Variants in FBN1 observed in about 807,000 individuals in gnomAD.
FBN1 encodes the protein fibrillin 1.
Under a neutral mutation model 365.1 loss-of-function variants are expected in FBN1, and 29 were observed. The observed-to-expected ratio is 0.08, with a 90% CI of 0.06 to 0.11. The LOEUF (loss-of-function observed/expected upper bound fraction) is 0.11, where lower values mean the gene tolerates loss of function less well. Among genes scored for constraint, FBN1 ranks in the 10% least tolerant of loss-of-function variants. FBN1 has a pLI of 1.00. For missense variants in FBN1, 2,476 were observed against 3,703.2 expected, an observed-to-expected ratio of 0.67 and a Z score of 8.60; for synonymous variants, 1,210 against 1,270.5, an observed-to-expected ratio of 0.95 and a Z score of 1.01.
intron 14 of FBN1, 137 bp downstream of exon 14, chr15:48,509,907 T>C: frequency 1.1e-6 from 1 of 906,260 alleles, no homozygotes; most frequent in South Asian, 1.6e-5. Flanking sequence ...CATGGAAAAT[T>C]AGGCTTCCTT....
intron 6 of FBN1, among the ~76,000 whole-genome samples, chr15:48,538,670 T>C (rs1224034875): frequency 6.6e-6 from 1 of 152,026 alleles, no homozygotes; most frequent in African/African-American, 2.4e-5. Context: ...ACCCAGGTTG[T>C]CCCCTTGTGA....
At chr15:48,610,649 A>G (rs2044649136) in intron 4 of FBN1, 79 bp downstream of exon 4, 1 of 1,105,042 alleles carries the variant, frequency 9.0e-7, no homozygotes, top group Non-Finnish European at 1.3e-6. Context: ...AGGAAAGAGG[A>G]AAGCCAAAAT....
At position 48,644,435 on chromosome 15, in the gene FBN1, G is replaced by C. The variant is rs999595484; in HGVS notation, c.164+171C>G. Reference sequence around the variant, plus strand: ...TGGGGCAGAAATCTCTGGGAGTAGGGGCAAGGTAGTTTAACCACGAACGGG... The same window carrying C: ...TGGGGCAGAAATCTCTGGGAGTAGGCGCAAGGTAGTTTAACCACGAACGGG... On this transcript the variant is annotated intron_variant, in intron 2 of 65. Transcript: ENST00000316623. 27 of 843,318 alleles carry C rather than the reference G, an allele frequency of 3.2e-5. No individual in the cohort carries two copies. In the African/African-American group the frequency reaches 3.7e-4, roughly 12 times the overall value. 52.2% of individuals were successfully genotyped at this position (843,318 alleles called of 1,614,324 possible).
In FBN1 at chr15:48,487,892, A is replaced by C. The variant is rs7176364; in HGVS notation, c.3337+221T>G. 0.2 allele frequency among the ~76,000 whole-genome samples: 30,480 copies of C among 151,892 alleles called. 3,406 individuals carry two copies. Among genetic ancestry groups the C allele is most frequent in the East Asian group, 0.36 (1,831 of 5,148 alleles). On this transcript the variant is annotated intron_variant, in intron 27 of 65. Transcript: ENST00000316623. The stretch of plus-strand genomic sequence containing the variant: ...CTGGGTATCCATTTCAGGTGTTAAA[A>C]TCACTTCTCAAGGGCCCACAACTGG...
Position 48,496,073 on chromosome 15 carries a change from C to T in FBN1, c.2419+27G>A, listed in dbSNP as rs374401683. On this transcript the variant is annotated intron_variant, in intron 20 of 65. Transcript: ENST00000316623. The stretch of plus-strand genomic sequence containing the variant: ...GCATTCCAAAAGATAGCAAAGTACA[C>T]AGTATAAGAACAAAAATATGGTTTA... The T allele has an allele frequency of 5.6e-6, 9 of 1,613,126 alleles. No individual in the cohort carries two copies. The African/African-American group carries it at 1.2e-4, about 22-fold the overall frequency.
At chr15:48,424,521 T>C (rs1333951503) in intron 60 of FBN1, among the ~76,000 whole-genome samples, 2 of 152,224 alleles carry the variant, frequency 1.3e-5, no homozygotes, top group African/African-American at 4.8e-5. Context: ...ACCAAGTAAG[T>C]GGAAGAACTT....
intron 45 of FBN1, among the ~76,000 whole-genome samples, chr15:48,451,807 GTT>G (rs1318450908): frequency 6.6e-6 from 1 of 152,084 alleles, no homozygotes; most frequent in African/African-American, 2.4e-5. Context: ...ATATTATTTT[GTT>G]TCTGGGCTGA....
intron 6 of FBN1, among the ~76,000 whole-genome samples, chr15:48,586,069 AC>A (rs1456510054): frequency 6.6e-6 from 1 of 152,198 alleles, no homozygotes; most frequent in East Asian, 1.9e-4. Flanking sequence ...CTCATTCTTT[AC>A]CTCTTAGTAA....
chr15:48,500,627 G>A (rs533402533), intron 17 of FBN1, among the ~76,000 whole-genome samples: 3 of 152,310 alleles, frequency 2.0e-5, no homozygotes, highest in Admixed American at 6.5e-5. Context: ...AGGTGTTGAT[G>A]AGCTAACTCC....
intron 2 of FBN1, among the ~76,000 whole-genome samples, chr15:48,637,959 C>G (rs144370089): frequency 4.1e-4 from 63 of 152,224 alleles, no homozygotes; most frequent in African/African-American, 1.4e-3. Flanking sequence ...AGTAAATAAA[C>G]AGGCATGGAT....
chr15:48,581,552 A>G (rs1011749475), intron 6 of FBN1, among the ~76,000 whole-genome samples: 2 of 152,192 alleles, frequency 1.3e-5, no homozygotes, highest in African/African-American at 4.8e-5. Context: ...TTTTCACCAC[A>G]TAATATCCAC....
At chr15:48,489,651 G>C (rs1376914888) in intron 25 of FBN1, among the ~76,000 whole-genome samples, 200 bp downstream of exon 25, 1 of 151,934 alleles carries the variant, frequency 6.6e-6, no homozygotes, top group Non-Finnish European at 1.5e-5. Context: ...TCTCCATACA[G>C]AACAATTTTA....
At chr15:48,512,905 A>C (rs560034276) in intron 13 of FBN1, among the ~76,000 whole-genome samples, 1 of 152,324 alleles carries the variant, frequency 6.6e-6, no homozygotes, top group East Asian at 1.9e-4. Context: ...AACTCAGTAC[A>C]TAAGAGTCAT....
intron 53 of FBN1, 144 bp from the exon 54 acceptor site, chr15:48,434,857 G>T: frequency 1.0e-6 from 1 of 982,566 alleles, no homozygotes; most frequent in Non-Finnish European, 1.6e-6. Context: ...CAGTGCTGTG[G>T]CGCGATTTCA....
rs755861623 is a variant in FBN1, at chr15:48,432,957, G to T, written c.6648C>A (p.Leu2216=). The change falls in exon 55 of 66, where the codon CTC becomes CTA. Residue 2216 remains leucine (L), a synonymous_variant. Coordinates refer to ENST00000316623, the MANE Select transcript of FBN1 (RefSeq NM_000138.5). ...AAGTGTTCACACATCGGAAGGCACA[G>T]AGCAGAGGATTCTGGGCACATTCAT... ...DINECAQNPL[L]CAFRCVNTYG... 6.2e-7 allele frequency: 1 copy of T among 1,613,608 alleles called. No individual in the cohort carries two copies. The highest frequency in any genetic ancestry group is 1.7e-5 in the Admixed American group (1 of 60,004).
intron 6 of FBN1, among the ~76,000 whole-genome samples, chr15:48,550,242 G>A (rs2044131314): frequency 6.6e-6 from 1 of 152,196 alleles, no homozygotes; most frequent in African/African-American, 2.4e-5. Context: ...AGCTAGGTTA[G>A]GAAGAGAAGG....
At chr15:48,433,902 GT>G (rs2043042954) in intron 54 of FBN1, among the ~76,000 whole-genome samples, 1 of 152,178 alleles carries the variant, frequency 6.6e-6, no homozygotes, top group Non-Finnish European at 1.5e-5. Flanking sequence ...ACTTGAGAGT[GT>G]ATCAGATCAC....
At chr15:48,457,111 G>A (rs181003653) in intron 43 of FBN1, among the ~76,000 whole-genome samples, 5 of 152,252 alleles carry the variant, frequency 3.3e-5, no homozygotes, top group Admixed American at 3.3e-4. Context: ...CCACCCAAGT[G>A]TGCCTATATT....
intron 2 of FBN1, 87 bp downstream of exon 2, chr15:48,644,519 T>C: frequency 1.9e-6 from 3 of 1,592,404 alleles, no homozygotes; most frequent in Non-Finnish European, 2.6e-6. Context: ...TGCCAAGGAG[T>C]CTTCCACAGG....
Sources: gnomAD v4.1 joint callset for allele counts (sites outside exome capture counted in the v4.1 genomes callset) on GRCh38, gnomAD v4.1.1 for gene constraint, MANE v1.5 for transcripts, NCBI Gene and HGNC (gene_info 2026-07-23, HGNC 2026-07-21) for gene names.